Variants in LIMS4 observed in about 807,000 individuals in gnomAD.
The protein encoded by LIMS4 is LIM and senescent cell antigen-like-containing domain protein 4.
chr2:110,362,132 A>C, the LIMS4 span: 1 of 720,670 alleles, frequency 1.4e-6, no homozygotes, highest in East Asian at 2.4e-5. Flanking sequence ...CAGATAGTAC[A>C]AGTCTTTTGT....
At chr2:110,453,549 AT>A (rs1235717583) in intron 5 of LIMS4, among the ~76,000 whole-genome samples, 1 of 117,764 alleles carries the variant, frequency 8.5e-6, no homozygotes, top group East Asian at 2.5e-4. Flanking sequence ...TATTTTTTTA[AT>A]TTTTTTTTGA....
the LIMS4 span, chr2:110,386,615 C>T: frequency 6.1e-6 from 4 of 651,074 alleles, no homozygotes; most frequent in East Asian, 2.9e-5. Context: ...TCCAGCGCAC[C>T]CTGGGCCAGT....
chr2:110,365,824 A>C, the LIMS4 span, among the ~76,000 whole-genome samples: 2 of 144,050 alleles, frequency 1.4e-5, no homozygotes, highest in Non-Finnish European at 3.0e-5. Flanking sequence ...AAATAAACAC[A>C]ATCAAAATTG....
chr2:110,411,157 C>T, the LIMS4 span, among the ~76,000 whole-genome samples: 2 of 55,372 alleles, frequency 3.6e-5, no homozygotes, highest in Admixed American at 2.4e-4. Context: ...CCGCCTACCT[C>T]GGCCTCCCAA....
At chr2:110,424,454 A>ACTT in the LIMS4 span, among the ~76,000 whole-genome samples, 1 of 132,988 alleles carries the variant, frequency 7.5e-6, no homozygotes, top group Non-Finnish European at 1.6e-5. Context: ...ATGAAGTTAA[A>ACTT]ACAATAATAA....
the LIMS4 span, among the ~76,000 whole-genome samples, chr2:110,385,331 C>T: frequency 6.9e-6 from 1 of 145,656 alleles, no homozygotes; most frequent in Non-Finnish European, 1.5e-5. Flanking sequence ...ACTTCCAGAG[C>T]TGGCCCACAA....
chr2:110,367,769 G>C, the LIMS4 span, among the ~76,000 whole-genome samples: 1 of 144,606 alleles, frequency 6.9e-6, no homozygotes, highest in Non-Finnish European at 1.5e-5. Context: ...TGTGGTCCCA[G>C]CTATTCAGAA....
At chr2:110,372,800 C>G in the LIMS4 span, among the ~76,000 whole-genome samples, 1 of 148,042 alleles carries the variant, frequency 6.8e-6, no homozygotes, top group Admixed American at 6.6e-5. Flanking sequence ...GCCACCGCGT[C>G]CAGCCTGCAG....
the LIMS4 span, among the ~76,000 whole-genome samples, chr2:110,425,353 C>G: frequency 4.2e-5 from 6 of 141,454 alleles, no homozygotes; most frequent in South Asian, 4.4e-4. Context: ...GTAATCCAGC[C>G]TGGGCAACAG....
chr2:110,395,705 G>A, the LIMS4 span, among the ~76,000 whole-genome samples: 3 of 66,880 alleles, frequency 4.5e-5, no homozygotes, highest in Admixed American at 1.7e-4. Flanking sequence ...GCTACAGCGC[G>A]GTCCATGCTG....
chr2:110,371,260 T>C, the LIMS4 span, among the ~76,000 whole-genome samples: 3 of 126,318 alleles, frequency 2.4e-5, no homozygotes, highest in Non-Finnish European at 4.7e-5. Flanking sequence ...AAAAAACAAG[T>C]CTTTCTGGCA....
chr2:110,442,662 CATATATAT>C, downstream of LIMS4, among the ~76,000 whole-genome samples: 1 of 141,440 alleles, frequency 7.1e-6, no homozygotes, highest in East Asian at 2.0e-4. Context: ...TATATACACA[CATATATAT>C]ATATATATGT....
the LIMS4 span, chr2:110,397,272 T>A: frequency 1.5e-5 from 2 of 132,988 alleles, no homozygotes; most frequent in Non-Finnish European, 3.2e-5. Flanking sequence ...AAAAATCTCT[T>A]ATTTAACTGA....
chr2:110,396,147 G>A, the LIMS4 span, among the ~76,000 whole-genome samples: 54 of 108,300 alleles, frequency 5.0e-4, 2 homozygotes, highest in South Asian at 1.1e-3. Context: ...TTAACACTGC[G>A]TCCGTTTACT....
At chr2:110,425,004 C>T in the LIMS4 span, among the ~76,000 whole-genome samples, 1 of 143,808 alleles carries the variant, frequency 7.0e-6, no homozygotes, top group Non-Finnish European at 1.5e-5. Context: ...TGCTTGGGTC[C>T]CGGTCAGCTT....
chr2:110,367,888 GA>G, the LIMS4 span, among the ~76,000 whole-genome samples: 3 of 141,388 alleles, frequency 2.1e-5, no homozygotes, highest in Non-Finnish European at 3.0e-5. Context: ...TCTCAAAAAA[GA>G]AAAAAAATTC....
chr2:110,382,900 A>G, the LIMS4 span: 8 of 151,378 alleles, frequency 5.3e-5, 1 homozygote, highest in South Asian at 8.5e-4. Context: ...TGGAGTGATG[A>G]ATGTTCTAAA....
At chr2:110,394,942 G>A in the LIMS4 span, among the ~76,000 whole-genome samples, 1 of 102,540 alleles carries the variant, frequency 9.8e-6, no homozygotes, top group Non-Finnish European at 1.9e-5. Context: ...ATTGGACAGG[G>A]AAGGGCTCTG....
At chr2:110,392,139 T>C in the LIMS4 span, among the ~76,000 whole-genome samples, 1 of 152,088 alleles carries the variant, frequency 6.6e-6, no homozygotes, top group African/African-American at 2.4e-5. Flanking sequence ...ACCAGAAAAT[T>C]AGAAAAAGAC....
Sources: allele counts gnomAD v4.1 joint callset (sites outside exome capture counted in the v4.1 genomes callset), GRCh38; gene constraint gnomAD v4.1.1; transcripts MANE v1.5; gene names NCBI Gene and HGNC (gene_info 2026-07-23, HGNC 2026-07-21).